The following COBL variants were observed in gnomAD, a reference collection of about 807,000 sequenced individuals.
COBL encodes the protein cordon-bleu WH2 repeat protein, also known as protein cordon-bleu.
In COBL, 51 loss-of-function variants were observed where a neutral mutation model predicts 98.8. The observed-to-expected ratio is 0.52, with a 90% CI of 0.41 to 0.65. COBL has a LOEUF of 0.65. COBL is among the 30% of genes least tolerant of loss of function. The pLI is 0.00. For missense variants in COBL, 1,617 were observed against 1,617.5 expected, an observed-to-expected ratio of 1.00 and a Z score of 0.01; for synonymous variants, 634 against 651.7, an observed-to-expected ratio of 0.97 and a Z score of 0.41.
At chr7:51,165,072 G>A (rs1323862792) in intron 5 of COBL, among the ~76,000 whole-genome samples, 1 of 151,848 alleles carries the variant, frequency 6.6e-6, no homozygotes, top group Non-Finnish European at 1.5e-5. Flanking sequence ...GGAAGGGAGG[G>A]AGGGAGAGAG....
intron 4 of COBL, among the ~76,000 whole-genome samples, chr7:51,186,601 C>G (rs1334450588): frequency 6.6e-6 from 1 of 152,200 alleles, no homozygotes; most frequent in African/African-American, 2.4e-5. Context: ...CAGGACAGCC[C>G]CGGCACCAGA....
intron 1 of COBL, chr7:51,259,616 C>T: frequency 6.7e-6 from 5 of 741,676 alleles, no homozygotes; most frequent in South Asian, 5.6e-5. Context: ...TGAGGTCTTC[C>T]AAGCAAATGA....
At chr7:51,255,701 G>C (rs1473848119) in intron 1 of COBL, among the ~76,000 whole-genome samples, 2 of 152,340 alleles carry the variant, frequency 1.3e-5, no homozygotes, top group Admixed American at 6.5e-5. Flanking sequence ...TTAGGGTAGA[G>C]AGCAGAGACT....
At chr7:51,240,447 C>T (rs758468261) in intron 1 of COBL, among the ~76,000 whole-genome samples, 45 of 152,238 alleles carry the variant, frequency 3.0e-4, no homozygotes, top group African/African-American at 2.2e-4. Flanking sequence ...GCAGCCACAG[C>T]GTGGCCATGG....
intron 1 of COBL, among the ~76,000 whole-genome samples, chr7:51,267,211 T>C (rs1798298012): frequency 6.6e-6 from 1 of 152,174 alleles, no homozygotes; most frequent in South Asian, 2.1e-4. Flanking sequence ...TTCTACATTT[T>C]TAACAATGCC....
At chr7:51,297,054 C>T (rs1801480068) in intron 1 of COBL, among the ~76,000 whole-genome samples, 2 of 152,090 alleles carry the variant, frequency 1.3e-5, no homozygotes, top group Admixed American at 6.6e-5. Flanking sequence ...CTTTTGAGTC[C>T]CCTCTCTGCT....
At chr7:51,243,495 A>G (rs1795996180) in intron 1 of COBL, among the ~76,000 whole-genome samples, 1 of 152,256 alleles carries the variant, frequency 6.6e-6, no homozygotes, top group African/African-American at 2.4e-5. Context: ...ATAATCTTGT[A>G]TATATCTATG....
intron 1 of COBL, among the ~76,000 whole-genome samples, chr7:51,312,779 A>C (rs1417903183): frequency 6.6e-6 from 1 of 152,194 alleles, no homozygotes; most frequent in Non-Finnish European, 1.5e-5. Context: ...ACGAGAAAAC[A>C]CAGGAGGGAC....
chr7:51,280,017 C>T (rs1216162033), intron 1 of COBL, among the ~76,000 whole-genome samples: 2 of 152,146 alleles, frequency 1.3e-5, no homozygotes, highest in Non-Finnish European at 2.9e-5. Context: ...TAAGAAAAAT[C>T]ATTTAGATGG....
Position 51,028,928 on chromosome 7 carries a change from T to C in COBL, c.2168A>G (p.Asp723Gly). The part of the protein sequence containing the change: ...PKSEMRCYDR[D>G]VSLSTGAIKI... ...AATGGCTCCGGTGGAGAGGGACACATCTCTGTCGTAACATCGCATCTCTGA... is the reference window on the plus strand; with the variant it reads ...AATGGCTCCGGTGGAGAGGGACACACCTCTGTCGTAACATCGCATCTCTGA... Residue 723 changes from aspartate to glycine, a missense_variant, in exon 10 of 13, where the codon GAT becomes GGT. Physicochemically the swap from Asp to Gly is moderately conservative, Grantham distance 94. This residue lies in a region of COBL where 1,304 missense variants were observed against 1,282.0 expected (regional missense o/e 1.02). Coordinates refer to ENST00000265136, the MANE Select transcript of COBL (RefSeq NM_015198.5). 1.9e-6 allele frequency: 3 copies of C among 1,614,186 alleles called. No individual in the cohort carries two copies. The highest frequency in any genetic ancestry group is 2.2e-5 in the South Asian group (2 of 91,088).
At chr7:51,109,979 T>TA (rs953787823) in intron 6 of COBL, among the ~76,000 whole-genome samples, 12 of 152,282 alleles carry the variant, frequency 7.9e-5, no homozygotes, top group African/African-American at 2.6e-4. Flanking sequence ...CTTTTTTCTT[T>TA]AAAAAAATTG....
At chr7:51,037,010 C>T (rs1012360779) in intron 8 of COBL, among the ~76,000 whole-genome samples, 3 of 152,160 alleles carry the variant, frequency 2.0e-5, no homozygotes, top group Non-Finnish European at 2.9e-5. Flanking sequence ...TGTTCCTTCC[C>T]TGCAGGTAGG....
At chr7:51,186,443 G>C (rs1789516620) in intron 4 of COBL, among the ~76,000 whole-genome samples, 1 of 152,182 alleles carries the variant, frequency 6.6e-6, no homozygotes, top group African/African-American at 2.4e-5. Context: ...CATTTTCCTA[G>C]TACACAAGCT....
At chr7:51,145,768 G>A (rs1478937498) in intron 5 of COBL, among the ~76,000 whole-genome samples, 2 of 152,188 alleles carry the variant, frequency 1.3e-5, no homozygotes, top group East Asian at 3.8e-4. Context: ...CAATGAACAA[G>A]GGTTCCAGTT....
intron 1 of COBL, among the ~76,000 whole-genome samples, chr7:51,268,580 G>C (rs899259441): frequency 3.9e-5 from 6 of 152,156 alleles, no homozygotes; most frequent in African/African-American, 1.4e-4. Context: ...CTGTGAAGCA[G>C]GTGGATCACA....
intron 5 of COBL, among the ~76,000 whole-genome samples, chr7:51,149,191 T>C (rs1464191804): frequency 1.3e-5 from 2 of 152,236 alleles, no homozygotes; most frequent in Admixed American, 6.5e-5. Flanking sequence ...TCACTTCTCA[T>C]GAACAGAGTC....
intron 6 of COBL, among the ~76,000 whole-genome samples, chr7:51,094,796 A>T (rs921070103): frequency 6.6e-6 from 1 of 152,234 alleles, no homozygotes; most frequent in Non-Finnish European, 1.5e-5. Context: ...AAATAAAAGC[A>T]TAAAAATATA....
At chr7:51,201,165 A>C (rs1367282657) in intron 2 of COBL, among the ~76,000 whole-genome samples, 1 of 151,068 alleles carries the variant, frequency 6.6e-6, no homozygotes, top group Non-Finnish European at 1.5e-5. Context: ...GCTTGAACCC[A>C]GGAGACAGAG....
chr7:51,231,027 T>C (rs144684128), intron 1 of COBL, among the ~76,000 whole-genome samples: 1 of 152,322 alleles, frequency 6.6e-6, no homozygotes, highest in Non-Finnish European at 1.5e-5. Flanking sequence ...TAACACTGCC[T>C]GGGTTCAAAT....
Sources: gnomAD v4.1 joint callset for allele counts (sites outside exome capture counted in the v4.1 genomes callset) on GRCh38, gnomAD v4.1.1 for gene constraint, gnomAD v4.1.1 regional missense constraint, MANE v1.5 for transcripts, NCBI Gene and HGNC (gene_info 2026-07-23, HGNC 2026-07-21) for gene names.